TMEM18: variants seen among roughly 807,000 people sequenced by gnomAD.
TMEM18 encodes transmembrane protein 18.
Under a neutral mutation model 17.4 loss-of-function variants are expected in TMEM18, and 14 were observed. The observed-to-expected ratio is 0.80, with a 90% confidence interval of 0.53 to 1.25. The LOEUF is 1.25. TMEM18 is among the 50% of genes most tolerant of loss of function. The probability of loss-of-function intolerance (pLI) is 0.00; values close to 1 mark genes in which losing one functional copy is unlikely to be tolerated. For synonymous variants in TMEM18, 86 were observed against 66.1 expected, an observed-to-expected ratio of 1.30 and a Z score of -1.46; for missense variants, 187 against 172.1, an observed-to-expected ratio of 1.09 and a Z score of -0.48.
intron 1 of TMEM18, chr2:676,112 C>T: frequency 7.6e-7 from 1 of 1,323,292 alleles, no homozygotes; most frequent in Non-Finnish European, 1.0e-6. Context: ...GCACTGAAGA[C>T]CTCAGGGAAT....
rs567174600 is a variant in TMEM18 at position 669,064 on chromosome 2, G to A, written c.*516C>T. On this transcript the variant is annotated 3_prime_UTR_variant, in exon 5 of 5. Transcript: ENST00000281017. ...TTTATGCATCACCCCGGGCTCCACAGGAGAAGCCAGGAGCACCACCCCCTC... is the reference window on the plus strand; with the variant it reads ...TTTATGCATCACCCCGGGCTCCACAAGAGAAGCCAGGAGCACCACCCCCTC... The A allele has an allele frequency of 6.5e-6, 1 of 153,970 alleles. No homozygotes were observed. The highest frequency in any genetic ancestry group is 6.5e-5 in the Admixed American group (1 of 15,478). The allele number at this position is 153,970 out of a possible 1,614,324, so 9.5% of individuals were successfully genotyped here. A position where few individuals can be genotyped will look rare whatever the true frequency, so the allele number is the denominator to read the frequency against.
At chr2:671,282 T>C (rs1379881650) in intron 3 of TMEM18, among the ~76,000 whole-genome samples, 1 of 152,084 alleles carries the variant, frequency 6.6e-6, no homozygotes, top group Non-Finnish European at 1.5e-5. Context: ...GAGCTGGGTG[T>C]GGGAGGGCTT....
chr2:670,000 A>T, intron 3 of TMEM18, 150 bp from the exon 4 acceptor site: 1 of 629,270 alleles, frequency 1.6e-6, no homozygotes. Flanking sequence ...GAGCAGCGGT[A>T]ATCTCCACTG....
rs1392547696 is a variant in TMEM18 at position 666,854 on chromosome 2, G to C, written c.*2726C>G. Among the ~76,000 whole-genome samples, 1 of 152,134 alleles carries C rather than the reference G, an allele frequency of 6.6e-6. No individual in the cohort carries two copies. The highest frequency in any genetic ancestry group is 1.5e-5 in the Non-Finnish European group (1 of 68,022). On this transcript the variant is annotated 3_prime_UTR_variant, in exon 5 of 5. Coordinates refer to ENST00000281017, the MANE Select transcript of TMEM18 (RefSeq NM_152834.4). ...GTTAACTTGGTGAAAGAAGAAGGGT[G>C]CTCCACTGAAATCCAGACAAGGAAG...
intron 2 of TMEM18, 76 bp from the exon 3 acceptor site, chr2:672,938 G>C: frequency 7.8e-7 from 1 of 1,275,670 alleles, no homozygotes; most frequent in South Asian, 1.5e-5. Flanking sequence ...ATTCTTTACA[G>C]CAGAATACTG....
At chr2:673,423 AC>A (rs1393860853) in intron 2 of TMEM18, among the ~76,000 whole-genome samples, 3 of 152,180 alleles carry the variant, frequency 2.0e-5, no homozygotes, top group Non-Finnish European at 4.4e-5. Context: ...TCCCAGGAGC[AC>A]ACAGACTTTA....
Position 672,829 on chromosome 2 carries a change from T to G in TMEM18, c.212A>C (p.Glu71Ala). Residue 71 changes from glutamate to alanine, a missense_variant, in exon 3 of 5, where the codon GAG becomes GCG. By Grantham distance (107) the Glu-to-Ala change is moderately radical. Coordinates refer to ENST00000281017, the MANE Select transcript of TMEM18 (RefSeq NM_152834.4). ...ILVYCAEYIN[E>A]AAAMNWRLFS... ...TCACCTCCAGTTCATCGCAGCCGCC[T>G]CATTGATGTATTCAGCACAGTAGAC... 2.0e-6 allele frequency: 3 copies of G among 1,484,508 alleles called. No individual in the cohort carries two copies. Among genetic ancestry groups the G allele is most frequent in the Non-Finnish European group, 2.7e-6 (3 of 1,123,556 alleles). 92.0% of individuals were successfully genotyped at this position (1,484,508 alleles called of 1,614,324 possible).
At position 664,133 on chromosome 2, in the gene TMEM18, C is replaced by T. The variant is rs758550921; in HGVS notation, c.*5447G>A. 6.6e-6 allele frequency among the ~76,000 whole-genome samples: 1 copy of T among 152,154 alleles called. No homozygotes were observed. Among genetic ancestry groups the T allele is most frequent in the Non-Finnish European group, 1.5e-5 (1 of 68,024 alleles). ...ATGAACTTGGAAAGCATTTAAACAC[C>T]AGCCACCCATCAGTGTGAACTAAGT... On this transcript the variant is annotated 3_prime_UTR_variant, in exon 5 of 5. Transcript: ENST00000281017.
intron 1 of TMEM18, chr2:676,211 T>G: frequency 7.2e-7 from 1 of 1,382,058 alleles, no homozygotes; most frequent in Non-Finnish European, 9.6e-7. Flanking sequence ...CTCCGCCGCC[T>G]CCTGGACTCC....
intron 1 of TMEM18, chr2:676,731 G>A (rs1659245570): frequency 1.6e-6 from 2 of 1,253,004 alleles, no homozygotes; most frequent in Non-Finnish European, 2.2e-6. Context: ...ACTGGGCAGC[G>A]TTCCTCCGTG....
At chr2:676,148 T>C (rs1360605652) in intron 1 of TMEM18, 5 of 1,329,436 alleles carry the variant, frequency 3.8e-6, no homozygotes, top group African/African-American at 3.0e-5. Flanking sequence ...CGTGCAAGAC[T>C]TGATTTTCTC....
chr2:672,890 A>AT (rs747543177), intron 2 of TMEM18, 28 bp from the exon 3 acceptor site: 2 of 1,504,114 alleles, frequency 1.3e-6, no homozygotes, highest in Non-Finnish European at 1.8e-6. Context: ...TCATATTAGA[A>AT]TTTAGATGGC....
rs750086437 is a variant in TMEM18 at position 677,394 on chromosome 2, A to G, written c.-49T>C. The stretch of plus-strand genomic sequence containing the variant: ...AGCAACCGCCGAACCCGGCCTGGCC[A>G]GAATCCACAGAGGAGGGCGCCAAAT... On this transcript the variant is annotated 5_prime_UTR_variant, in exon 1 of 5. Transcript: ENST00000281017. 2 of 1,597,202 alleles carry G rather than the reference A, an allele frequency of 1.3e-6. No homozygotes were observed. The highest frequency in any genetic ancestry group is 2.3e-5 in the South Asian group (2 of 88,268).
chr2:672,858 G>C lies in TMEM18; in HGVS notation c.183C>G (p.Ile61Met), dbSNP rs762542772. 11 of 1,508,666 alleles carry C rather than the reference G, an allele frequency of 7.3e-6. No individual in the cohort carries two copies. The highest frequency in any genetic ancestry group is 1.7e-4 in the Middle Eastern group (1 of 5,794). The allele number at this position is 1,508,666 out of a possible 1,614,324, so 93.5% of individuals were successfully genotyped here. A position where few individuals can be genotyped will look rare whatever the true frequency, so the allele number is the denominator to read the frequency against. ...TGATGTATTCAGCACAGTAGACTAA[G>C]ATGACTGAAAAAAGGTACAAGTCAT... ...LQIGHFLCLV[I>M]LVYCAEYINE... Residue 61 changes from isoleucine to methionine, a missense_variant, in exon 3 of 5, where the codon ATC becomes ATG. Transcript: ENST00000281017.
intron 1 of TMEM18, chr2:676,498 G>C: frequency 6.6e-7 from 1 of 1,516,364 alleles, no homozygotes; most frequent in Non-Finnish European, 8.9e-7. Context: ...CTCTCTGCTG[G>C]GGACCGCAGC....
At chr2:674,222 T>G (rs370602581) in intron 2 of TMEM18, among the ~76,000 whole-genome samples, 1 of 152,182 alleles carries the variant, frequency 6.6e-6, no homozygotes, top group African/African-American at 2.4e-5. Flanking sequence ...CATCAAACCC[T>G]TTGTGCAGTT....
chr2:676,082 C>T (rs1337843547), intron 1 of TMEM18: 1 of 1,321,556 alleles, frequency 7.6e-7, no homozygotes, highest in Admixed American at 2.3e-5. Flanking sequence ...CATGAATCAT[C>T]ATTTCAGACT....
At chr2:669,962 G>A (rs1292140561) in intron 3 of TMEM18, 112 bp from the exon 4 acceptor site, 6 of 799,596 alleles carry the variant, frequency 7.5e-6, no homozygotes, top group African/African-American at 1.7e-5. Context: ...TGAGGTGGGA[G>A]CAACACCCTC....
At position 676,893 on chromosome 2, in the gene TMEM18, C is replaced by T. The variant is rs138607967; in HGVS notation, c.57+396G>A. 2,690 of 579,796 alleles carry T rather than the reference C, an allele frequency of 4.6e-3. 58 individuals are homozygous for T. The highest frequency in any genetic ancestry group is 0.046 in the African/African-American group (2,444 of 52,772). 35.9% of individuals were successfully genotyped at this position (579,796 alleles called of 1,614,324 possible). On this transcript the variant is annotated intron_variant, in intron 1 of 4. Transcript: ENST00000281017. ...TACCCCTCGCGCTCCGCCCACACAACTCAGCCACGCCCGCACGGTGCAGGA... is the reference window on the plus strand; with the variant it reads ...TACCCCTCGCGCTCCGCCCACACAATTCAGCCACGCCCGCACGGTGCAGGA...
Sources: allele counts gnomAD v4.1 joint callset (sites outside exome capture counted in the v4.1 genomes callset), GRCh38; gene constraint gnomAD v4.1.1; transcripts MANE v1.5; gene names NCBI Gene and HGNC (gene_info 2026-07-23, HGNC 2026-07-21).